CRPPA: variants seen among roughly 807,000 people sequenced by gnomAD.
The protein encoded by CRPPA is CDP-L-ribitol pyrophosphorylase A.
A neutral mutation model predicts 52.0 loss-of-function variants in CRPPA; 43 were observed. The ratio of observed to expected loss-of-function variants is 0.83; its 90% CI spans 0.65 to 1.07. The LOEUF (loss-of-function observed/expected upper bound fraction) is 1.07. Among genes scored for constraint, CRPPA ranks in the 50% least tolerant of loss-of-function variants. CRPPA has a pLI of 0.00. For missense variants in CRPPA, 629 were observed against 551.7 expected (o/e 1.14, Z -1.40); for synonymous variants, 250 against 203.5 (o/e 1.23, Z -1.94).
At chr7:16,167,053 C>T (rs13227822) in intron 9 of CRPPA, among the ~76,000 whole-genome samples, 48,550 of 151,642 alleles carry the variant, frequency 0.32, 9,277 homozygotes, top group South Asian at 0.54. Flanking sequence ...CTCAGCCTCC[C>T]GAGTAGCTGG....
chr7:16,226,230 AT>A (rs1470639272), intron 8 of CRPPA, among the ~76,000 whole-genome samples: 1 of 151,964 alleles, frequency 6.6e-6, no homozygotes, highest in African/African-American at 2.4e-5. Context: ...TCTTATACAT[AT>A]TTATTCTGAA....
At chr7:16,100,660 T>C (rs534384656) in intron 9 of CRPPA, among the ~76,000 whole-genome samples, 1 of 152,222 alleles carries the variant, frequency 6.6e-6, no homozygotes, top group South Asian at 2.1e-4. Context: ...CCTTGCCTGA[T>C]TGCCCTGGCC....
chr7:16,154,455 T>A (rs1389629404), intron 9 of CRPPA, among the ~76,000 whole-genome samples: 1 of 152,140 alleles, frequency 6.6e-6, no homozygotes, highest in Admixed American at 6.5e-5. Context: ...TTTAAGGACT[T>A]GATTTCCCTC....
chr7:16,140,031 G>C (rs1377256400), intron 9 of CRPPA, among the ~76,000 whole-genome samples: 1 of 151,490 alleles, frequency 6.6e-6, no homozygotes, highest in African/African-American at 2.4e-5. Flanking sequence ...AAAAAGTCAA[G>C]TAAAATTATT....
intron 9 of CRPPA, among the ~76,000 whole-genome samples, chr7:16,100,436 T>A (rs1171315264): frequency 6.6e-6 from 1 of 152,202 alleles, no homozygotes. Context: ...TAGTACTATG[T>A]CCACAGTAGG....
rs894554133 is a variant in CRPPA, at chr7:16,096,482, T to C, written c.1252-4683A>G. 3.3e-5 allele frequency among the ~76,000 whole-genome samples: 5 copies of C among 152,200 alleles called. No individual in the cohort carries two copies. The South Asian group carries it at 1.0e-3, about 31-fold the overall frequency. On this transcript the variant is annotated intron_variant, in intron 9 of 9. Coordinates refer to ENST00000407010, the MANE Select transcript of CRPPA (RefSeq NM_001101426.4). ...AGAGAATTTTACAATTATAAAATGC[T>C]TGAAATTAAGAATTAATTGGACTAG...
At chr7:16,356,442 T>G (rs1288814573) in intron 3 of CRPPA, among the ~76,000 whole-genome samples, 1 of 152,214 alleles carries the variant, frequency 6.6e-6, no homozygotes, top group African/African-American at 2.4e-5. Flanking sequence ...CTGGTTTTCC[T>G]CTTTTTAAAC....
intron 3 of CRPPA, among the ~76,000 whole-genome samples, chr7:16,338,526 C>A (rs1261506053): frequency 7.0e-6 from 1 of 141,854 alleles, no homozygotes; most frequent in Non-Finnish European, 1.6e-5. Flanking sequence ...AGATTATTAA[C>A]CTGGCTAAGA....
chr7:16,264,356 G>A (rs539383993), intron 6 of CRPPA, among the ~76,000 whole-genome samples: 6 of 152,204 alleles, frequency 3.9e-5, no homozygotes, highest in African/African-American at 1.2e-4. Flanking sequence ...CTTCCAATGT[G>A]TTCAGTAAAT....
intron 1 of CRPPA, among the ~76,000 whole-genome samples, chr7:16,413,878 G>T (rs956887680): frequency 5.3e-5 from 8 of 152,072 alleles, no homozygotes; most frequent in African/African-American, 1.7e-4. Context: ...CTACAAAAGT[G>T]ATTTTTCTCC....
At chr7:16,378,431 G>A (rs1316118298) in intron 2 of CRPPA, among the ~76,000 whole-genome samples, 1 of 151,472 alleles carries the variant, frequency 6.6e-6, no homozygotes, top group African/African-American at 2.4e-5. Context: ...CCCTACAAAG[G>A]ACATGAACTC....
chr7:16,298,210 A>G (rs1469451793), intron 5 of CRPPA, among the ~76,000 whole-genome samples: 4 of 152,222 alleles, frequency 2.6e-5, no homozygotes, highest in Non-Finnish European at 5.9e-5. Context: ...TCTTAATGCA[A>G]TAAAGATATT....
At chr7:16,298,935 G>C (rs1784729853) in intron 5 of CRPPA, among the ~76,000 whole-genome samples, 1 of 152,164 alleles carries the variant, frequency 6.6e-6, no homozygotes, top group Non-Finnish European at 1.5e-5. Context: ...CTTGTTCTCA[G>C]GCCTTTGGGT....
intron 9 of CRPPA, among the ~76,000 whole-genome samples, chr7:16,169,596 G>T (rs1481651791): frequency 6.6e-6 from 1 of 152,136 alleles, no homozygotes; most frequent in Admixed American, 6.5e-5. Context: ...TTAAATTCAA[G>T]AAAAAAATAT....
intron 8 of CRPPA, among the ~76,000 whole-genome samples, chr7:16,247,708 T>C (rs1001433967): frequency 1.3e-5 from 2 of 152,186 alleles, no homozygotes; most frequent in African/African-American, 2.4e-5. Context: ...TTGTAAAACA[T>C]GTATCTTCAG....
At chr7:16,105,014 AGAAAACAGT>A (rs1198991756) in intron 9 of CRPPA, among the ~76,000 whole-genome samples, 1 of 152,210 alleles carries the variant, frequency 6.6e-6, no homozygotes, top group Non-Finnish European at 1.5e-5. Flanking sequence ...AGAACTCAGG[AGAAAACAGT>A]GAAAACAGTG....
chr7:16,229,917 G>C (rs1329085124), intron 8 of CRPPA, among the ~76,000 whole-genome samples: 1 of 151,494 alleles, frequency 6.6e-6, no homozygotes, highest in Non-Finnish European at 1.5e-5. Context: ...ACTATTCTTG[G>C]CTGACAGTTT....
At chr7:16,389,793 G>A (rs1202520031) in intron 2 of CRPPA, among the ~76,000 whole-genome samples, 1 of 150,654 alleles carries the variant, frequency 6.6e-6, no homozygotes, top group African/African-American at 2.4e-5. Context: ...TCCAAAAGAA[G>A]TAAAGCTATC....
intron 5 of CRPPA, among the ~76,000 whole-genome samples, chr7:16,299,329 C>T (rs1438944434): frequency 6.6e-6 from 1 of 152,122 alleles, no homozygotes; most frequent in South Asian, 2.1e-4. Flanking sequence ...GGGAGAGCAT[C>T]GTAAGACTTA....
Sources: allele counts gnomAD v4.1 joint callset (sites outside exome capture counted in the v4.1 genomes callset), GRCh38; gene constraint gnomAD v4.1.1; transcripts MANE v1.5; gene names NCBI Gene and HGNC (gene_info 2026-07-23, HGNC 2026-07-21).